The following TMEM63C variants were observed in gnomAD, a reference collection of about 807,000 sequenced individuals.
TMEM63C encodes the protein osmosensitive cation channel TMEM63C.
A neutral mutation model predicts 99.2 loss-of-function variants in TMEM63C; 32 were observed. That is an observed-to-expected ratio of 0.32 (90% CI 0.24 to 0.43). The LOEUF is 0.43. TMEM63C is among the 20% of genes least tolerant of loss of function. The pLI is 1.00. For synonymous variants in TMEM63C, 376 were observed against 397.9 expected (o/e 0.94, Z 0.66); for missense variants, 826 against 1,053.0 (o/e 0.78, Z 2.98).
intron 13 of TMEM63C, among the ~76,000 whole-genome samples, chr14:77,241,755 C>T (rs185653039): frequency 6.6e-6 from 1 of 152,338 alleles, no homozygotes; most frequent in East Asian, 1.9e-4. Flanking sequence ...AAGCAATACA[C>T]CTACCTAAGG....
Position 77,183,349 on chromosome 14 carries a change from G to A in TMEM63C, c.-77+1455G>A, listed in dbSNP as rs75955542. Among the ~76,000 whole-genome samples the A allele has an allele frequency of 3.8e-3, 582 of 152,280 alleles. 14 individuals are homozygous for A. The East Asian group carries it at 0.073, about 19-fold the overall frequency. On this transcript the variant is annotated intron_variant, in intron 1 of 23. Transcript: ENST00000298351. ...CCTCCTGATGGGTGTGGAGGAGGTC[G>A]GTGACAGGGAACAGCACCAGCATTT...
chr14:77,210,782 G>A (rs1264765746), intron 1 of TMEM63C, among the ~76,000 whole-genome samples: 4 of 152,142 alleles, frequency 2.6e-5, no homozygotes. Context: ...CTTACCTGTT[G>A]TTAACAAAAA....
chr14:77,203,211 CT>C (rs1382958158), intron 1 of TMEM63C, among the ~76,000 whole-genome samples: 2 of 151,940 alleles, frequency 1.3e-5, no homozygotes, highest in African/African-American at 4.8e-5. Context: ...AACCCTGTCT[CT>C]ACTAAAAATA....
chr14:77,197,846 G>T (rs116692631), intron 1 of TMEM63C, among the ~76,000 whole-genome samples: 6 of 152,208 alleles, frequency 3.9e-5, no homozygotes, highest in African/African-American at 1.4e-4. Context: ...GAGGGTTTCC[G>T]CTCTCAGAGT....
intron 1 of TMEM63C, among the ~76,000 whole-genome samples, chr14:77,184,571 G>A (rs1391648533): frequency 6.6e-6 from 1 of 152,202 alleles, no homozygotes; most frequent in Non-Finnish European, 1.5e-5. Flanking sequence ...CTCAGGCCAT[G>A]GGCAGGCTCA....
chr14:77,255,334 A>C (rs1375082813), intron 23 of TMEM63C, among the ~76,000 whole-genome samples: 1 of 152,116 alleles, frequency 6.6e-6, no homozygotes, highest in East Asian at 1.9e-4. Context: ...CATATATATA[A>C]ATTTTTTATC....
chr14:77,239,982 GAGA>G (rs1245290075), intron 12 of TMEM63C, among the ~76,000 whole-genome samples: 5 of 152,328 alleles, frequency 3.3e-5, no homozygotes, highest in African/African-American at 1.2e-4. Flanking sequence ...GAGAATGAGA[GAGA>G]AGGACCAGAG....
At chr14:77,227,580 G>A (rs1888851568) in intron 6 of TMEM63C, among the ~76,000 whole-genome samples, 1 of 152,206 alleles carries the variant, frequency 6.6e-6, no homozygotes, top group African/African-American at 2.4e-5. Context: ...AGTCATGGGA[G>A]CAGATGGGTC....
At chr14:77,225,383 A>G in intron 5 of TMEM63C, 41 bp from the exon 6 acceptor site, 1 of 1,609,064 alleles carries the variant, frequency 6.2e-7, no homozygotes, top group Non-Finnish European at 8.5e-7. Flanking sequence ...AGGGCAGGCC[A>G]GGACCTGGGT....
intron 13 of TMEM63C, 34 bp downstream of exon 13, chr14:77,240,642 A>C: frequency 6.2e-7 from 1 of 1,600,162 alleles, no homozygotes; most frequent in South Asian, 1.1e-5. Context: ...CCCAGCCCCA[A>C]GCATACTCCT....
chr14:77,241,171 G>A (rs1238749158), intron 13 of TMEM63C, among the ~76,000 whole-genome samples: 6 of 151,900 alleles, frequency 3.9e-5, no homozygotes, highest in Admixed American at 2.6e-4. Context: ...GGCTGGTCTC[G>A]AACTCCTGAC....
intron 14 of TMEM63C, 99 bp from the exon 15 acceptor site, chr14:77,242,804 C>T (rs1889202237): frequency 2.1e-6 from 3 of 1,429,986 alleles, no homozygotes; most frequent in East Asian, 4.5e-5. Context: ...CTGGATTAGA[C>T]CAGGGCAGGC....
chr14:77,222,306 T>A (rs1888737804), intron 5 of TMEM63C, among the ~76,000 whole-genome samples: 1 of 152,174 alleles, frequency 6.6e-6, no homozygotes, highest in African/African-American at 2.4e-5. Flanking sequence ...GCATAGCCAA[T>A]GTGTCTCCAC....
At chr14:77,231,563 G>T in intron 6 of TMEM63C, 25 bp from the exon 7 acceptor site, 2 of 1,551,232 alleles carry the variant, frequency 1.3e-6, no homozygotes, top group Non-Finnish European at 8.7e-7. Flanking sequence ...CCTGAGGCAC[G>T]TCCTTGTCTG....
intron 9 of TMEM63C, among the ~76,000 whole-genome samples, chr14:77,237,737 G>T (rs887696223): frequency 3.4e-5 from 5 of 146,330 alleles, no homozygotes; most frequent in African/African-American, 1.2e-4. Context: ...TGCAGGTGTT[G>T]GTGTGCAGAG....
chr14:77,241,065 C>A (rs1220808391), intron 13 of TMEM63C, among the ~76,000 whole-genome samples: 1 of 151,946 alleles, frequency 6.6e-6, no homozygotes, highest in Non-Finnish European at 1.5e-5. Flanking sequence ...ATTCTCCTGC[C>A]TCAGCCTCCC....
At chr14:77,243,225 T>C (rs551457212) in intron 15 of TMEM63C, among the ~76,000 whole-genome samples, 169 bp downstream of exon 15, 11 of 152,152 alleles carry the variant, frequency 7.2e-5, no homozygotes, top group Admixed American at 2.6e-4. Flanking sequence ...TGCTTTGTTC[T>C]AAAGGGATGA....
At chr14:77,221,682 TGCCTCCTCTCCCACTCAC>T (rs1341274450) in intron 5 of TMEM63C, among the ~76,000 whole-genome samples, 8 of 115,092 alleles carry the variant, frequency 7.0e-5, no homozygotes, top group Non-Finnish European at 8.9e-5. Context: ...CTCCCACTCA[TGCCTCCTCTCCCACTCAC>T]GCCTCAACCT....
chr14:77,222,642 T>C (rs551565871), intron 5 of TMEM63C, among the ~76,000 whole-genome samples: 1 of 152,280 alleles, frequency 6.6e-6, no homozygotes, highest in Non-Finnish European at 1.5e-5. Flanking sequence ...GTCCACCGTT[T>C]AGCTTCTCAA....
Sources: allele counts gnomAD v4.1 joint callset (sites outside exome capture counted in the v4.1 genomes callset), GRCh38; gene constraint gnomAD v4.1.1; transcripts MANE v1.5; gene names NCBI Gene and HGNC (gene_info 2026-07-23, HGNC 2026-07-21).